The following UNC13C variants were observed in gnomAD, a reference collection of about 807,000 sequenced individuals.
UNC13C encodes the protein protein unc-13 homolog C.
A neutral mutation model predicts 245.4 loss-of-function variants in UNC13C; 174 were observed. The ratio of observed to expected loss-of-function variants is 0.71; its 90% CI spans 0.63 to 0.80. The LOEUF is 0.80. Ranked by LOEUF, UNC13C falls within the 30% of genes least tolerant of loss-of-function variation. UNC13C has a pLI of 0.00. For synonymous variants in UNC13C, 992 were observed against 895.1 expected (o/e 1.11, Z -1.93); for missense variants, 2,829 against 2,602.9 (o/e 1.09, Z -1.89).
intron 2 of UNC13C, among the ~76,000 whole-genome samples, chr15:54,026,849 C>T (rs1416170411): frequency 6.6e-6 from 1 of 152,082 alleles, no homozygotes; most frequent in Non-Finnish European, 1.5e-5. Context: ...CCTGGCTGGG[C>T]GTCTGGGATA....
intron 25 of UNC13C, among the ~76,000 whole-genome samples, chr15:54,526,759 A>AG (rs905988112): frequency 1.3e-4 from 19 of 147,600 alleles, no homozygotes; most frequent in East Asian, 9.9e-4. Context: ...AAAAAAAAAA[A>AG]AAAAAGATTG....
intron 19 of UNC13C, among the ~76,000 whole-genome samples, chr15:54,469,030 A>G (rs1199230836): frequency 2.6e-5 from 4 of 151,638 alleles, no homozygotes; most frequent in African/African-American, 4.8e-5. Context: ...TTTTAGCACT[A>G]TGGACATTTT....
downstream of UNC13C, chr15:54,631,363 T>C (rs1231763448): frequency 6.6e-6 from 1 of 152,216 alleles, no homozygotes; most frequent in Non-Finnish European, 1.5e-5. Flanking sequence ...ATGCATATTT[T>C]TTAATTTGCA....
intron 1 of UNC13C, among the ~76,000 whole-genome samples, chr15:54,009,547 C>T (rs977769951): frequency 6.9e-6 from 1 of 143,950 alleles, no homozygotes; most frequent in Non-Finnish European, 1.5e-5. Context: ...TCTTCTTCTT[C>T]TTCTTTTTTT....
At chr15:53,976,421 T>C (rs1001577954), upstream of UNC13C, among the ~76,000 whole-genome samples, 1 of 150,668 alleles carries the variant, frequency 6.6e-6, no homozygotes, top group African/African-American at 2.4e-5. Flanking sequence ...TTCAAACTTT[T>C]CATGGCACTA....
intron 18 of UNC13C, among the ~76,000 whole-genome samples, chr15:54,397,013 C>T (rs1008567093): frequency 1.3e-5 from 2 of 150,966 alleles, no homozygotes; most frequent in East Asian, 1.9e-4. Flanking sequence ...ATAGTTATTG[C>T]GCATTTTTAA....
At chr15:54,539,384 G>C (rs1184476352) in intron 26 of UNC13C, among the ~76,000 whole-genome samples, 1 of 151,400 alleles carries the variant, frequency 6.6e-6, no homozygotes, top group Admixed American at 6.6e-5. Context: ...GAGAGGAAAG[G>C]GAAGAAGTAA....
Position 54,015,612 on chromosome 15 carries a change from A to G in UNC13C, c.2709A>G (p.Gln903=), listed in dbSNP as rs1170959141. 1.2e-6 allele frequency: 2 copies of G among 1,613,868 alleles called. No homozygotes were observed. The highest frequency in any genetic ancestry group is 2.2e-5 in the South Asian group (2 of 91,078). The part of the protein sequence containing the change: ...TSITETDEQM[Q]AYDHLSYETP... ...TTACTGAAACAGATGAACAAATGCA[A>G]GCATATGATCACCTTTCATATGAAA... Residue 903 remains glutamine (Q), a synonymous_variant, in exon 2 of 33, where the codon CAA becomes CAG. Transcript: ENST00000260323.
intron 4 of UNC13C, among the ~76,000 whole-genome samples, chr15:54,151,046 C>T (rs1301185344): frequency 6.6e-6 from 1 of 152,174 alleles, no homozygotes; most frequent in African/African-American, 2.4e-5. Context: ...ATCTCTCTTT[C>T]TGGCTTGGGT....
intron 2 of UNC13C, among the ~76,000 whole-genome samples, chr15:54,071,193 T>A (rs913755162): frequency 1.3e-5 from 2 of 152,022 alleles, no homozygotes; most frequent in Admixed American, 6.6e-5. Context: ...TTCCTTTTTT[T>A]AAAAAAAATT....
chr15:54,236,025 A>AC (rs1419951841), intron 5 of UNC13C, among the ~76,000 whole-genome samples: 2 of 152,022 alleles, frequency 1.3e-5, no homozygotes, highest in Non-Finnish European at 2.9e-5. Flanking sequence ...TTGTAAAAAA[A>AC]AAAAAATCAT....
At chr15:54,522,386 G>A (rs1895258881) in intron 24 of UNC13C, among the ~76,000 whole-genome samples, 2 of 152,042 alleles carry the variant, frequency 1.3e-5, no homozygotes, top group African/African-American at 4.8e-5. Flanking sequence ...GGTGAGGCAG[G>A]AGAATTGCTT....
At chr15:54,519,535 C>T (rs920091910) in intron 24 of UNC13C, among the ~76,000 whole-genome samples, 1 of 152,038 alleles carries the variant, frequency 6.6e-6, no homozygotes, top group African/African-American at 2.4e-5. Context: ...TATTGATGTT[C>T]AACTTTTTGA....
intron 30 of UNC13C, among the ~76,000 whole-genome samples, chr15:54,569,414 G>T (rs1444578178): frequency 1.3e-5 from 2 of 152,024 alleles, no homozygotes; most frequent in Non-Finnish European, 2.9e-5. Context: ...AAATGTAAAT[G>T]ATTGTTATAT....
intron 10 of UNC13C, among the ~76,000 whole-genome samples, chr15:54,281,198 AT>A (rs2036987652): frequency 6.6e-6 from 1 of 152,134 alleles, no homozygotes; most frequent in South Asian, 2.1e-4. Context: ...AAGTGCTATT[AT>A]TTTTCCAAAA....
intron 8 of UNC13C, among the ~76,000 whole-genome samples, chr15:54,250,706 G>A (rs2036122203): frequency 7.1e-6 from 1 of 141,570 alleles, no homozygotes; most frequent in South Asian, 2.3e-4. Flanking sequence ...CCTTCAAAGT[G>A]ACTTCCTATC....
At chr15:54,177,453 A>T (rs1470761126) in intron 4 of UNC13C, among the ~76,000 whole-genome samples, 1 of 152,166 alleles carries the variant, frequency 6.6e-6, no homozygotes, top group African/African-American at 2.4e-5. Flanking sequence ...TATGCATGTA[A>T]TCTTCAAGTA....
At chr15:54,465,993 G>C (rs1892143689) in intron 19 of UNC13C, among the ~76,000 whole-genome samples, 1 of 151,958 alleles carries the variant, frequency 6.6e-6, no homozygotes, top group Non-Finnish European at 1.5e-5. Flanking sequence ...ATACACAGTG[G>C]AATATTATTA....
chr15:54,283,741 T>C (rs1461615040), intron 10 of UNC13C, among the ~76,000 whole-genome samples: 1 of 149,240 alleles, frequency 6.7e-6, no homozygotes, highest in Non-Finnish European at 1.5e-5. Flanking sequence ...TGTGTGTGTA[T>C]GTAATATTTA....
Sources: gnomAD v4.1 joint callset for allele counts (sites outside exome capture counted in the v4.1 genomes callset) on GRCh38, gnomAD v4.1.1 for gene constraint, MANE v1.5 for transcripts, NCBI Gene and HGNC (gene_info 2026-07-23, HGNC 2026-07-21) for gene names.